Variants in SPAG16 observed in about 807,000 individuals in gnomAD.
SPAG16 encodes sperm associated antigen 16, also known as sperm-associated antigen 16 protein.
A neutral mutation model predicts 80.4 loss-of-function variants in SPAG16; 86 were observed. That is an observed-to-expected ratio of 1.07 (90% CI 0.90 to 1.28). The LOEUF is 1.28. Ranked by LOEUF, SPAG16 falls within the 50% of genes most tolerant of loss-of-function variation. SPAG16 has a pLI of 0.00. For missense variants in SPAG16, 870 were observed against 765.3 expected (o/e 1.14, Z -1.61); for synonymous variants, 294 against 265.9 (o/e 1.11, Z -1.03).
intron 13 of SPAG16, among the ~76,000 whole-genome samples, chr2:214,079,220 C>T (rs2051239875): frequency 6.6e-6 from 1 of 152,038 alleles, no homozygotes; most frequent in Non-Finnish European, 1.5e-5. Context: ...TACTTCCCAC[C>T]TCACCATCAG....
intron 15 of SPAG16, among the ~76,000 whole-genome samples, chr2:214,353,387 A>G (rs1698555066): frequency 6.6e-6 from 1 of 152,184 alleles, no homozygotes; most frequent in Non-Finnish European, 1.5e-5. Flanking sequence ...TCAAAAGATA[A>G]TCAAGGCTAA....
chr2:213,310,223 T>C, intron 4 of SPAG16, 46 bp downstream of exon 4: 1 of 1,323,888 alleles, frequency 7.6e-7, no homozygotes, highest in Non-Finnish European at 1.1e-6. Context: ...TTCTAACATT[T>C]AACATATACA....
intron 15 of SPAG16, among the ~76,000 whole-genome samples, chr2:214,260,121 T>TA (rs1364096838): frequency 7.9e-5 from 12 of 151,990 alleles, no homozygotes; most frequent in African/African-American, 1.7e-4. Flanking sequence ...ATTTTTATAT[T>TA]AAAAAAACAG....
chr2:214,390,007 C>T (rs1377719149), intron 15 of SPAG16, among the ~76,000 whole-genome samples: 4 of 152,260 alleles, frequency 2.6e-5, no homozygotes, highest in East Asian at 1.9e-4. Context: ...TATTAACCAA[C>T]GTTTGTACTG....
chr2:214,258,914 G>A (rs1311990367), intron 15 of SPAG16, among the ~76,000 whole-genome samples: 1 of 151,644 alleles, frequency 6.6e-6, no homozygotes, highest in Non-Finnish European at 1.5e-5. Context: ...TTTCCCTACT[G>A]AGTATTTTTA....
chr2:213,995,892 C>A (rs958872783), intron 12 of SPAG16, among the ~76,000 whole-genome samples: 3 of 152,194 alleles, frequency 2.0e-5, no homozygotes, highest in Non-Finnish European at 2.9e-5. Flanking sequence ...ATACTAAATT[C>A]TTTCCTTCTC....
At chr2:213,635,962 G>A (rs534425740) in intron 10 of SPAG16, among the ~76,000 whole-genome samples, 27 of 152,150 alleles carry the variant, frequency 1.8e-4, no homozygotes, top group South Asian at 1.5e-3. Context: ...ATTAAGTACC[G>A]TCTATTTGTC....
At chr2:213,428,188 C>T (rs1462061940) in intron 9 of SPAG16, among the ~76,000 whole-genome samples, 1 of 152,146 alleles carries the variant, frequency 6.6e-6, no homozygotes, top group East Asian at 1.9e-4. Flanking sequence ...AGTGGGCAGC[C>T]TGTGTGGTGG....
intron 14 of SPAG16, among the ~76,000 whole-genome samples, chr2:214,110,712 A>C (rs1213784661): frequency 6.6e-6 from 1 of 152,200 alleles, no homozygotes; most frequent in Non-Finnish European, 1.5e-5. Flanking sequence ...GAATCGCCAC[A>C]TTGTCTTCCA....
intron 10 of SPAG16, among the ~76,000 whole-genome samples, chr2:213,612,020 A>C (rs1307231678): frequency 5.9e-5 from 9 of 152,154 alleles, no homozygotes. Context: ...AAAAGTTGCA[A>C]TGCTTTATGT....
At chr2:214,304,709 T>G (rs369584947) in intron 15 of SPAG16, among the ~76,000 whole-genome samples, 1 of 152,166 alleles carries the variant, frequency 6.6e-6, no homozygotes, top group East Asian at 1.9e-4. Flanking sequence ...CAAGCTGGTC[T>G]CGGCATGTTA....
At chr2:214,064,127 AT>A (rs2050417643) in intron 13 of SPAG16, among the ~76,000 whole-genome samples, 1 of 152,138 alleles carries the variant, frequency 6.6e-6, no homozygotes, top group Non-Finnish European at 1.5e-5. Context: ...TCCTTTTATT[AT>A]TTCAAAACGT....
chr2:213,286,594 T>C (rs928625534), intron 1 of SPAG16, among the ~76,000 whole-genome samples: 1 of 152,224 alleles, frequency 6.6e-6, no homozygotes, highest in Non-Finnish European at 1.5e-5. Flanking sequence ...TGAGCTATCA[T>C]GGTGGGTAAA....
chr2:213,420,842 G>T (rs1157535325), intron 9 of SPAG16, among the ~76,000 whole-genome samples: 4 of 152,140 alleles, frequency 2.6e-5, no homozygotes, highest in Non-Finnish European at 4.4e-5. Flanking sequence ...TACCCATCAT[G>T]CATGTTCACA....
intron 13 of SPAG16, among the ~76,000 whole-genome samples, chr2:214,065,030 A>C (rs1576040616): frequency 6.6e-6 from 1 of 152,104 alleles, no homozygotes; most frequent in South Asian, 2.1e-4. Context: ...AAGAGCTTTA[A>C]ATATTTTTTC....
At chr2:213,819,136 G>A (rs1263290739) in intron 10 of SPAG16, among the ~76,000 whole-genome samples, 1 of 152,178 alleles carries the variant, frequency 6.6e-6, no homozygotes, top group East Asian at 1.9e-4. Flanking sequence ...GCTCCAAAAT[G>A]TGTAGAGATA....
intron 15 of SPAG16, among the ~76,000 whole-genome samples, chr2:214,194,862 T>C (rs1049340479): frequency 3.3e-5 from 5 of 152,102 alleles, no homozygotes; most frequent in African/African-American, 7.2e-5. Context: ...GACTGGAATA[T>C]GTAACCATAT....
At chr2:213,588,435 A>C (rs905632247) in intron 10 of SPAG16, among the ~76,000 whole-genome samples, 36 of 150,506 alleles carry the variant, frequency 2.4e-4, no homozygotes, top group Non-Finnish European at 4.7e-4. Flanking sequence ...AACACTAACC[A>C]CCTCATTTAT....
intron 15 of SPAG16, among the ~76,000 whole-genome samples, chr2:214,242,393 G>A (rs1689558333): frequency 6.6e-6 from 1 of 152,026 alleles, no homozygotes; most frequent in Non-Finnish European, 1.5e-5. Context: ...AAAAGACTAT[G>A]GTAATCCTAC....
Sources: allele counts gnomAD v4.1 joint callset (sites outside exome capture counted in the v4.1 genomes callset), GRCh38; gene constraint gnomAD v4.1.1; transcripts MANE v1.5; gene names NCBI Gene and HGNC (gene_info 2026-07-23, HGNC 2026-07-21).